The following ADAMTS12 variants were observed in gnomAD, a reference collection of about 807,000 sequenced individuals.
The protein encoded by ADAMTS12 is A disintegrin and metalloproteinase with thrombospondin motifs 12.
A neutral mutation model predicts 167.8 loss-of-function variants in ADAMTS12; 118 were observed. The observed-to-expected ratio is 0.70, with a 90% CI of 0.61 to 0.82. The LOEUF (loss-of-function observed/expected upper bound fraction) is 0.82, where lower values mean the gene tolerates loss of function less well. Among genes scored for constraint, ADAMTS12 ranks in the 40% least tolerant of loss-of-function variants. The pLI, the probability that ADAMTS12 is intolerant of heterozygous loss-of-function variation, is 0.00. For missense variants in ADAMTS12, 1,916 were observed against 1,998.8 expected, an observed-to-expected ratio of 0.96 and a Z score of 0.79; for synonymous variants, 704 against 716.9, an observed-to-expected ratio of 0.98 and a Z score of 0.29.
intron 3 of ADAMTS12, among the ~76,000 whole-genome samples, chr5:33,710,490 C>T (rs1439663815): frequency 6.6e-6 from 1 of 152,140 alleles, no homozygotes; most frequent in Non-Finnish European, 1.5e-5. Context: ...CACTCTCTCC[C>T]TTTGAAACAA....
intron 2 of ADAMTS12, among the ~76,000 whole-genome samples, chr5:33,803,938 C>A (rs567899949): frequency 6.6e-6 from 1 of 152,282 alleles, no homozygotes; most frequent in East Asian, 1.9e-4. Context: ...GGACACAGAG[C>A]CAAACCATAT....
At chr5:33,624,050 G>C (rs7710204) in intron 14 of ADAMTS12, among the ~76,000 whole-genome samples, 181 bp downstream of exon 14, 57,158 of 151,952 alleles carry the variant, frequency 0.38, 11,625 homozygotes, top group East Asian at 0.67. Flanking sequence ...CAATCAACCC[G>C]TTTCCTACAA....
At chr5:33,855,043 G>A (rs919681690) in intron 2 of ADAMTS12, among the ~76,000 whole-genome samples, 8 of 152,192 alleles carry the variant, frequency 5.3e-5, no homozygotes, top group African/African-American at 1.7e-4. Flanking sequence ...GCCTCACTGG[G>A]CAAGTTTTCC....
chr5:33,695,752 G>T, intron 3 of ADAMTS12, among the ~76,000 whole-genome samples: 1 of 152,336 alleles, frequency 6.6e-6, no homozygotes, highest in East Asian at 1.9e-4. Context: ...TTGGTTTGGG[G>T]AGATGGGAAA....
chr5:33,776,775 A>G (rs569490798), intron 2 of ADAMTS12, among the ~76,000 whole-genome samples: 3 of 152,166 alleles, frequency 2.0e-5, no homozygotes, highest in Admixed American at 1.3e-4. Flanking sequence ...AATAAAATTG[A>G]CAAACCTTTA....
intron 14 of ADAMTS12, among the ~76,000 whole-genome samples, chr5:33,619,991 C>A (rs917392973): frequency 9.2e-5 from 14 of 152,308 alleles, no homozygotes; most frequent in Non-Finnish European, 1.8e-4. Context: ...CTGCATCCGG[C>A]CAATGACTTT....
intron 7 of ADAMTS12, among the ~76,000 whole-genome samples, chr5:33,652,442 C>T (rs906725087): frequency 1.3e-5 from 2 of 152,024 alleles, no homozygotes; most frequent in Admixed American, 6.6e-5. Flanking sequence ...TGAAAAATGT[C>T]TGTTCTTATC....
chr5:33,811,198 GAGCACTTTGTC>G (rs1403206746), intron 2 of ADAMTS12, among the ~76,000 whole-genome samples: 1 of 152,136 alleles, frequency 6.6e-6, no homozygotes, highest in Non-Finnish European at 1.5e-5. Context: ...TGAAATGTAA[GAGCACTTTGTC>G]ACCAGGATGA....
chr5:33,830,783 CTCTG>C (rs537784818), intron 2 of ADAMTS12, among the ~76,000 whole-genome samples: 100 of 152,134 alleles, frequency 6.6e-4, no homozygotes, highest in Non-Finnish European at 1.2e-3. Flanking sequence ...CACAGCAAAA[CTCTG>C]TCTGTATATA....
At chr5:33,838,548 T>A (rs993362256) in intron 2 of ADAMTS12, among the ~76,000 whole-genome samples, 1 of 152,120 alleles carries the variant, frequency 6.6e-6, no homozygotes, top group Non-Finnish European at 1.5e-5. Context: ...CCGGGTGTGA[T>A]GGTGCATGCC....
intron 2 of ADAMTS12, among the ~76,000 whole-genome samples, chr5:33,765,793 A>T (rs1220599550): frequency 6.6e-6 from 1 of 152,242 alleles, no homozygotes; most frequent in Non-Finnish European, 1.5e-5. Flanking sequence ...ACCAAAAAAA[A>T]AGTTATTTAA....
chr5:33,880,392 G>A (rs1293885806), intron 2 of ADAMTS12, among the ~76,000 whole-genome samples: 1 of 152,210 alleles, frequency 6.6e-6, no homozygotes, highest in African/African-American at 2.4e-5. Flanking sequence ...AGACCAGACA[G>A]CAAATATTGT....
chr5:33,593,928 A>G (rs1212889737), intron 17 of ADAMTS12, among the ~76,000 whole-genome samples: 1 of 152,224 alleles, frequency 6.6e-6, no homozygotes, highest in East Asian at 1.9e-4. Flanking sequence ...TTATCTCCTC[A>G]TATACCACCT....
At chr5:33,851,939 C>CT (rs1749234466) in intron 2 of ADAMTS12, among the ~76,000 whole-genome samples, 1 of 152,242 alleles carries the variant, frequency 6.6e-6, no homozygotes, top group Non-Finnish European at 1.5e-5. Context: ...TATCAATCAA[C>CT]TCTAATTTGT....
intron 10 of ADAMTS12, 134 bp downstream of exon 10, chr5:33,643,244 G>A: frequency 1.2e-6 from 1 of 815,484 alleles, no homozygotes; most frequent in South Asian, 1.6e-5. Flanking sequence ...GATCTCCTCT[G>A]GCTGGTCTGA....
chr5:33,772,909 G>A (rs993207672), intron 2 of ADAMTS12, among the ~76,000 whole-genome samples: 3 of 152,168 alleles, frequency 2.0e-5, no homozygotes, highest in Non-Finnish European at 4.4e-5. Context: ...CCCACACTGT[G>A]GATGCACAAA....
chr5:33,717,544 G>A (rs1298160570), intron 3 of ADAMTS12, among the ~76,000 whole-genome samples: 3 of 152,038 alleles, frequency 2.0e-5, no homozygotes, highest in Non-Finnish European at 4.4e-5. Flanking sequence ...GGCAGAGCAG[G>A]GACTGAAACA....
In ADAMTS12 at chr5:33,716,890, TAAAATAAAGTAC is replaced by T. The variant is rs898607276; in HGVS notation, c.635-32847_635-32836del. 4.9e-4 allele frequency among the ~76,000 whole-genome samples: 75 copies of T among 152,200 alleles called. 1 individual carries two copies. Among genetic ancestry groups the T allele is most frequent in the Admixed American group, 4.3e-3 (66 of 15,274 alleles). On this transcript the variant is annotated intron_variant, in intron 3 of 23. Coordinates refer to ENST00000504830, the MANE Select transcript of ADAMTS12 (RefSeq NM_030955.4). ...TCACTTTTCTTCTAATTCTACAGTATAAAATAAAGTACAAGAGAACTTGTCTAATAGGACTAA... is the reference window on the plus strand; with the variant it reads ...TCACTTTTCTTCTAATTCTACAGTATAAGAGAACTTGTCTAATAGGACTAA...
chr5:33,870,946 T>C (rs1750017979), intron 2 of ADAMTS12, among the ~76,000 whole-genome samples: 1 of 152,192 alleles, frequency 6.6e-6, no homozygotes, highest in Non-Finnish European at 1.5e-5. Flanking sequence ...TATGAGCCAG[T>C]TAAACCCCTT....
Sources: allele counts gnomAD v4.1 joint callset (sites outside exome capture counted in the v4.1 genomes callset), GRCh38; gene constraint gnomAD v4.1.1; transcripts MANE v1.5; gene names NCBI Gene and HGNC (gene_info 2026-07-23, HGNC 2026-07-21).